The following DHX32 variants were observed in gnomAD, a reference collection of about 807,000 sequenced individuals.
The protein encoded by DHX32 is DEAH-box helicase 32 (putative).
DHX32 carries 51 observed loss-of-function variants against 70.0 expected under a neutral mutation model. The ratio of observed to expected loss-of-function variants is 0.73; its 90% CI spans 0.58 to 0.92. The LOEUF (loss-of-function observed/expected upper bound fraction) is 0.92, where lower values mean the gene tolerates loss of function less well. Among genes scored for constraint, DHX32 ranks in the 40% least tolerant of loss-of-function variants. DHX32 has a pLI of 0.00. For synonymous variants in DHX32, 310 were observed against 315.3 expected, an observed-to-expected ratio of 0.98 and a Z score of 0.18; for missense variants, 762 against 891.8, an observed-to-expected ratio of 0.85 and a Z score of 1.85.
At chr10:125,876,538 G>A (rs1264559455) in intron 1 of DHX32, among the ~76,000 whole-genome samples, 1 of 152,144 alleles carries the variant, frequency 6.6e-6, no homozygotes, top group Admixed American at 6.5e-5. Flanking sequence ...CACCAGCATG[G>A]GCAAAACTGA....
Position 125,893,206 on chromosome 10 carries a change from T to C in DHX32, c.-248+3012A>G, listed in dbSNP as rs531262785. Among the ~76,000 whole-genome samples the C allele has an allele frequency of 7.9e-5, 12 of 152,380 alleles. No homozygotes were observed. The South Asian group carries it at 2.5e-3, about 32-fold the overall frequency. ...AGACTTTCCAGAAACTGGGGCAGCA[T>C]GCTCCTGCAGTCCCATTTATTTATT... On this transcript the variant is annotated intron_variant, in intron 1 of 2. Coordinates refer to the DHX32 transcript ENST00000415732.
chr10:125,856,583 G>C (rs1944149168), intron 3 of DHX32, among the ~76,000 whole-genome samples: 1 of 152,130 alleles, frequency 6.6e-6, no homozygotes, highest in Non-Finnish European at 1.5e-5. Context: ...CACACCTAAG[G>C]CAAATGCACT....
intron 1 of DHX32, 82 bp from the exon 2 acceptor site, chr10:125,867,265 CT>C: frequency 1.6e-6 from 2 of 1,219,452 alleles, no homozygotes; most frequent in Non-Finnish European, 2.3e-6. Context: ...CAGGGTTCAT[CT>C]TATAAGTGAT....
chr10:125,878,373 A>G (rs1477115066), intron 1 of DHX32, among the ~76,000 whole-genome samples: 1 of 152,332 alleles, frequency 6.6e-6, no homozygotes, highest in South Asian at 2.1e-4. Context: ...CATCTTCATA[A>G]CAAACTTCAC....
intron 4 of DHX32, chr10:125,853,058 T>C: frequency 1.7e-6 from 2 of 1,173,492 alleles, no homozygotes; most frequent in Non-Finnish European, 2.5e-6. Flanking sequence ...CAACACATAC[T>C]GAGAGTTCCA....
intron 2 of DHX32, among the ~76,000 whole-genome samples, chr10:125,864,673 A>T (rs1944208202): frequency 1.3e-5 from 2 of 152,120 alleles, no homozygotes; most frequent in Non-Finnish European, 2.9e-5. Context: ...TCACGCCTGT[A>T]ATACCAGCAC....
At chr10:125,853,912 G>C (rs993588090) in intron 4 of DHX32, 49 bp downstream of exon 4, 1 of 1,579,140 alleles carries the variant, frequency 6.3e-7, no homozygotes, top group Non-Finnish European at 8.6e-7. Context: ...TGAGAAACTA[G>C]TGCTTGACAA....
At chr10:125,838,486 G>T in intron 9 of DHX32, 99 bp from the exon 10 acceptor site, 2 of 1,165,282 alleles carry the variant, frequency 1.7e-6, no homozygotes, top group Non-Finnish European at 2.3e-6. Flanking sequence ...TTTTATACGG[G>T]ATAGTTAAAA....
At chr10:125,893,391 C>T (rs575535418) in intron 1 of DHX32, among the ~76,000 whole-genome samples, 1 of 152,120 alleles carries the variant, frequency 6.6e-6, no homozygotes, top group African/African-American at 2.4e-5. Flanking sequence ...CTACGGGCGC[C>T]CGCCACCATG....
At chr10:125,845,552 A>G (rs1308210278) in intron 6 of DHX32, among the ~76,000 whole-genome samples, 1 of 152,214 alleles carries the variant, frequency 6.6e-6, no homozygotes, top group African/African-American at 2.4e-5. Context: ...TCTCCTGGTA[A>G]CCAGTCCCCA....
intron 4 of DHX32, chr10:125,853,294 C>T: frequency 1.0e-5 from 11 of 1,058,356 alleles, no homozygotes; most frequent in Non-Finnish European, 1.2e-5. Flanking sequence ...GATAAAACAT[C>T]TCGGCACCTA....
intron 3 of DHX32, among the ~76,000 whole-genome samples, chr10:125,855,475 G>A (rs994623089): frequency 1.7e-4 from 24 of 141,300 alleles, no homozygotes; most frequent in Non-Finnish European, 2.7e-4. Flanking sequence ...TTGAGATGGA[G>A]TCTCGCTCTG....
At chr10:125,852,080 C>T (rs972539295) in intron 6 of DHX32, among the ~76,000 whole-genome samples, 6 of 152,188 alleles carry the variant, frequency 3.9e-5, no homozygotes, top group Admixed American at 6.5e-5. Flanking sequence ...ACACATTTCT[C>T]GTGTCAGAAC....
rs1424659828 is a variant in DHX32 at position 125,880,656 on chromosome 10, T to C, written c.169A>G (p.Lys57Glu). 1 of 1,614,226 alleles carries C rather than the reference T, an allele frequency of 6.2e-7. No homozygotes were observed. The highest frequency in any genetic ancestry group is 1.1e-5 in the South Asian group (1 of 91,082). The change falls in exon 1 of 11, where the codon AAA becomes GAA. Residue 57 changes from lysine (K) to glutamate (E), a missense_variant. Lys to Glu is a moderately conservative substitution (Grantham distance 56). Coordinates refer to ENST00000284690, the MANE Select transcript of DHX32 (RefSeq NM_018180.3). ...CATATAGGAAGATCTTCTCTTTCTT[T>C]CAGAAGTTTATAATAACGTGATGAA... is the stretch of plus-strand genomic sequence containing the variant. ...PYSSRYYKLL[K>E]EREDLPIWKE...
chr10:125,865,404 T>A, intron 2 of DHX32, among the ~76,000 whole-genome samples: 1 of 152,214 alleles, frequency 6.6e-6, no homozygotes, highest in East Asian at 1.9e-4. Context: ...TTCAAGAAGT[T>A]CAAGTCAGAG....
Position 125,848,517 on chromosome 10 carries a change from C to T in DHX32, c.1351+3776G>A, listed in dbSNP as rs184669286. Among the ~76,000 whole-genome samples, 31 of 152,320 alleles carry T rather than the reference C, an allele frequency of 2.0e-4. 1 individual carries two copies. Among genetic ancestry groups the T allele is most frequent in the African/African-American group, 7.2e-4 (30 of 41,576 alleles). On this transcript the variant is annotated intron_variant, in intron 6 of 10. Transcript: ENST00000284690. ...GTAAAGTGAGGTTTTGAACTTGGGC[C>T]TTCCACCGGCAGTGTTGAACCTGGC...
chr10:125,838,334 C>G lies in DHX32; in HGVS notation c.1935G>C (p.Gln645His), dbSNP rs1564821616. 1 of 1,613,390 alleles carries G rather than the reference C, an allele frequency of 6.2e-7. No homozygotes were observed. Among genetic ancestry groups the G allele is most frequent in the Non-Finnish European group, 8.5e-7 (1 of 1,179,878 alleles). Residue 645 changes from glutamine (Q) to histidine (H), a missense_variant, in exon 10 of 11, where the codon CAG becomes CAC. By Grantham distance (24) the Gln-to-His change is conservative. Coordinates refer to ENST00000284690, the MANE Select transcript of DHX32 (RefSeq NM_018180.3). ...SGNYLMLTHK[Q>H]VAQLHPLSGY... is the part of the protein sequence containing the mutation. ...CAGACAGGGGATGCAGCTGAGCAAC[C>G]TGCTTATGTGTCAGCATTAAGTAGT...
intron 7 of DHX32, 191 bp from the exon 8 acceptor site, chr10:125,841,187 T>G (rs199788666): frequency 7.2e-7 from 1 of 1,391,716 alleles, no homozygotes; most frequent in Non-Finnish European, 1.0e-6. Flanking sequence ...CCCTCTCCTT[T>G]TGTGTGTGTG....
Position 125,880,976 on chromosome 10 carries a change from C to A in DHX32, c.-152G>T, listed in dbSNP as rs1047670598. On this transcript the variant is annotated 5_prime_UTR_variant, in exon 1 of 11. Coordinates refer to ENST00000284690, the MANE Select transcript of DHX32 (RefSeq NM_018180.3). ...GTTCAAGGTTTTAGCAAGTTAAATT[C>A]CTCAAACCTGCATCTGTTCTCCGTT... 3.4e-6 allele frequency: 3 copies of A among 895,348 alleles called. No individual in the cohort carries two copies. The highest frequency in any genetic ancestry group is 5.0e-6 in the Non-Finnish European group (3 of 601,116). 55.5% of individuals were successfully genotyped at this position (895,348 alleles called of 1,614,324 possible). A position where few individuals can be genotyped will look rare whatever the true frequency, so the allele number is the denominator to read the frequency against.
Sources: gnomAD v4.1 joint callset for allele counts (sites outside exome capture counted in the v4.1 genomes callset) on GRCh38, gnomAD v4.1.1 for gene constraint, MANE v1.5 for transcripts, NCBI Gene and HGNC (gene_info 2026-07-23, HGNC 2026-07-21) for gene names.